Variants in RIC1 observed in about 807,000 individuals in gnomAD.
RIC1 encodes the protein RIC1 partner of RAB6A GEF complex, also known as guanine nucleotide exchange factor subunit RIC1.
RIC1 carries 88 observed loss-of-function variants against 169.0 expected under a neutral mutation model. That is an observed-to-expected ratio of 0.52 (90% confidence interval 0.44 to 0.62). RIC1 has a LOEUF of 0.62. Ranked by LOEUF, RIC1 falls within the 20% of genes least tolerant of loss-of-function variation. RIC1 has a pLI of 0.00. For synonymous variants in RIC1, 790 were observed against 601.5 expected (o/e 1.31, Z -4.59); for missense variants, 1,877 against 1,725.5 (o/e 1.09, Z -1.56).
At chr9:5,651,835 T>G (rs1319977790) in intron 1 of RIC1, among the ~76,000 whole-genome samples, 1 of 152,188 alleles carries the variant, frequency 6.6e-6, no homozygotes, top group South Asian at 2.1e-4. Flanking sequence ...CCCAAAGTGC[T>G]GGGATTACAG....
At chr9:5,690,870 C>T (rs192011818) in intron 3 of RIC1, among the ~76,000 whole-genome samples, 24 of 151,872 alleles carry the variant, frequency 1.6e-4, no homozygotes, top group Admixed American at 1.4e-3. Context: ...AAAGTAGTCT[C>T]ATTAAAGGAA....
intron 7 of RIC1, among the ~76,000 whole-genome samples, chr9:5,735,357 A>G (rs921996365): frequency 2.0e-5 from 3 of 152,232 alleles, no homozygotes; most frequent in African/African-American, 7.2e-5. Context: ...AGCAGTGGCA[A>G]GTGTGCAGTT....
At position 5,752,960 on chromosome 9, in the gene RIC1, A is replaced by G. The variant is rs909590847; in HGVS notation, c.1453-240A>G. Among the ~76,000 whole-genome samples, 17 of 152,308 alleles carry G rather than the reference A, an allele frequency of 1.1e-4. No homozygotes were observed. The East Asian group carries it at 3.3e-3, about 29-fold the overall frequency. ...ATTTATTGAATTCAATATTTAAAAC[A>G]AACAGAAACATAAGGGGCAAGGGGC... On this transcript the variant is annotated intron_variant, in intron 12 of 25. Transcript: ENST00000414202.
chr9:5,671,480 T>C (rs1490925150), intron 2 of RIC1, among the ~76,000 whole-genome samples: 1 of 151,768 alleles, frequency 6.6e-6, no homozygotes, highest in Non-Finnish European at 1.5e-5. Context: ...TTTGCCATGT[T>C]GGCCAGGCTG....
intron 3 of RIC1, among the ~76,000 whole-genome samples, chr9:5,696,284 C>T (rs1332541059): frequency 6.6e-6 from 1 of 151,726 alleles, no homozygotes; most frequent in Non-Finnish European, 1.5e-5. Flanking sequence ...AAACGAAGTC[C>T]AAGCTCTCTG....
At chr9:5,722,712 C>G (rs987398250) in intron 6 of RIC1, among the ~76,000 whole-genome samples, 1 of 152,096 alleles carries the variant, frequency 6.6e-6, no homozygotes. Flanking sequence ...CCCCCCTCGC[C>G]CCACCCCACG....
At chr9:5,655,939 G>A (rs771882745) in intron 1 of RIC1, among the ~76,000 whole-genome samples, 1 of 151,730 alleles carries the variant, frequency 6.6e-6, no homozygotes, top group Non-Finnish European at 1.5e-5. Context: ...TTGTGATCTC[G>A]GCTCACTGCA....
rs745627904 is a variant in RIC1, at chr9:5,774,228, C to T, written c.4254C>T (p.Tyr1418=). ...EEEEPFQDGT[Y]DCSVS is the part of the protein sequence containing the mutation. ...AAGAACCTTTTCAGGATGGGACTTA[C>T]GACTGTTCTGTGTCCTAACAGTGAG... The change falls in exon 26 of 26, where the codon TAC becomes TAT. Residue 1418 remains tyrosine, a synonymous_variant. Coordinates refer to ENST00000414202, the MANE Select transcript of RIC1 (RefSeq NM_020829.4). The T allele has an allele frequency of 5.5e-5, 89 of 1,609,378 alleles. No homozygotes were observed. Among genetic ancestry groups the T allele is most frequent in the East Asian group, 2.0e-4 (9 of 44,870 alleles).
intron 6 of RIC1, among the ~76,000 whole-genome samples, chr9:5,730,763 T>C (rs964005948): frequency 3.3e-5 from 5 of 152,186 alleles, no homozygotes; most frequent in African/African-American, 9.7e-5. Flanking sequence ...TTATAATTCA[T>C]GACAGAAAAG....
chr9:5,696,526 A>T (rs1196017645), intron 3 of RIC1, among the ~76,000 whole-genome samples: 1 of 152,130 alleles, frequency 6.6e-6, no homozygotes, highest in Non-Finnish European at 1.5e-5. Context: ...CCCAATAAAT[A>T]ACTGATCTGG....
chr9:5,644,112 A>G (rs1161763660), intron 1 of RIC1, among the ~76,000 whole-genome samples: 1 of 152,204 alleles, frequency 6.6e-6, no homozygotes, highest in Non-Finnish European at 1.5e-5. Flanking sequence ...AAATACATCT[A>G]AGTGTACATT....
intron 3 of RIC1, chr9:5,713,578 A>G (rs1304164519): frequency 9.4e-6 from 2 of 213,316 alleles, no homozygotes; most frequent in Non-Finnish European, 1.9e-5. Flanking sequence ...AAGGGCCCTC[A>G]GGAATTTTAA....
chr9:5,731,448 G>A (rs564103878), intron 6 of RIC1, among the ~76,000 whole-genome samples: 1 of 152,132 alleles, frequency 6.6e-6, no homozygotes, highest in African/African-American at 2.4e-5. Context: ...AATGAAATCT[G>A]TAGGATTCTA....
In RIC1 at chr9:5,746,083, G is replaced by A; in HGVS notation, c.1248G>A (p.Met416Ile). Residue 416 changes from methionine to isoleucine, a missense_variant and splice_region_variant, in exon 11 of 26, where the codon ATG (methionine) becomes ATA (isoleucine). Coordinates refer to ENST00000414202, the MANE Select transcript of RIC1 (RefSeq NM_020829.4). ...IKSVLTVNPCMSNQEQVLLQG... is the reference protein window; with the variant it reads ...IKSVLTVNPCISNQEQVLLQG... ...GTGTACTCACTGTAAACCCTTGTAT[G>A]GTAAGTATATTTAAAGCTCTGATTT... The A allele has an allele frequency of 6.2e-7, 1 of 1,604,450 alleles. No individual in the cohort carries two copies. Among genetic ancestry groups the A allele is most frequent in the Non-Finnish European group, 8.5e-7 (1 of 1,173,450 alleles).
intron 1 of RIC1, among the ~76,000 whole-genome samples, chr9:5,648,772 C>T (rs915599165): frequency 6.6e-5 from 10 of 152,082 alleles, no homozygotes; most frequent in Admixed American, 6.6e-4. Flanking sequence ...TGATGTTGAG[C>T]CTCTTTTGAT....
intron 2 of RIC1, among the ~76,000 whole-genome samples, chr9:5,686,484 G>C (rs1312284528): frequency 1.3e-5 from 2 of 151,964 alleles, no homozygotes; most frequent in Admixed American, 6.6e-5. Flanking sequence ...GTAGAGACAT[G>C]GATGAAATTG....
chr9:5,653,188 C>T (rs1818903077), intron 1 of RIC1, among the ~76,000 whole-genome samples: 1 of 152,108 alleles, frequency 6.6e-6, no homozygotes, highest in Non-Finnish European at 1.5e-5. Context: ...CAAAGACTGT[C>T]TTTTCTCTGT....
intron 1 of RIC1, among the ~76,000 whole-genome samples, chr9:5,641,707 A>T (rs1818260281): frequency 8.7e-6 from 1 of 115,248 alleles, no homozygotes; most frequent in Non-Finnish European, 1.7e-5. Flanking sequence ...CTTTTCAGAG[A>T]CTCTGATGCA....
At chr9:5,682,675 C>G (rs892565696) in intron 2 of RIC1, among the ~76,000 whole-genome samples, 3 of 152,016 alleles carry the variant, frequency 2.0e-5, no homozygotes, top group African/African-American at 7.3e-5. Context: ...TTGTGGCGTT[C>G]TCTGTATTTC....
Sources: gnomAD v4.1 joint callset for allele counts (sites outside exome capture counted in the v4.1 genomes callset) on GRCh38, gnomAD v4.1.1 for gene constraint, MANE v1.5 for transcripts, NCBI Gene and HGNC (gene_info 2026-07-23, HGNC 2026-07-21) for gene names.